PRSS12: variants seen among roughly 807,000 people sequenced by gnomAD.
PRSS12 encodes neurotrypsin.
A neutral mutation model predicts 104.4 loss-of-function variants in PRSS12; 85 were observed. That is an observed-to-expected ratio of 0.81 (90% confidence interval 0.68 to 0.98). The LOEUF (loss-of-function observed/expected upper bound fraction) is 0.98. Ranked by LOEUF, PRSS12 falls within the 50% of genes least tolerant of loss-of-function variation. The probability of loss-of-function intolerance (pLI) is 0.00; values close to 1 mark genes in which losing one functional copy is unlikely to be tolerated. For synonymous variants in PRSS12, 454 were observed against 425.2 expected, an observed-to-expected ratio of 1.07 and a Z score of -0.83; for missense variants, 1,141 against 1,139.2, an observed-to-expected ratio of 1.00 and a Z score of -0.02.
chr4:118,293,546 T>C (rs1038122720), intron 11 of PRSS12, among the ~76,000 whole-genome samples: 1 of 151,992 alleles, frequency 6.6e-6, no homozygotes, highest in African/African-American at 2.4e-5. Flanking sequence ...CAACAAAGAC[T>C]TAGCACACAG....
At chr4:118,337,060 T>C (rs148024018) in intron 2 of PRSS12, among the ~76,000 whole-genome samples, 195 of 152,328 alleles carry the variant, frequency 1.3e-3, no homozygotes, top group Admixed American at 3.0e-3. Context: ...TTTATTGCTC[T>C]AACAGCATCA....
intron 1 of PRSS12, among the ~76,000 whole-genome samples, chr4:118,348,945 C>T (rs1724424467): frequency 6.6e-6 from 1 of 152,168 alleles, no homozygotes; most frequent in African/African-American, 2.4e-5. Context: ...AGCTACCGCG[C>T]CCAGCCCTAG....
chr4:118,333,133 G>A (rs1409850744), intron 3 of PRSS12, among the ~76,000 whole-genome samples: 2 of 152,118 alleles, frequency 1.3e-5, no homozygotes, highest in African/African-American at 4.8e-5. Flanking sequence ...CAGGCCACTT[G>A]AACATTATGA....
intron 8 of PRSS12, among the ~76,000 whole-genome samples, chr4:118,307,930 TA>T (rs1178716980): frequency 2.0e-5 from 3 of 151,068 alleles, no homozygotes; most frequent in Admixed American, 2.0e-4. Flanking sequence ...ACACAGACTG[TA>T]AAAGAGGACA....
At chr4:118,311,050 CAATTAATT>C (rs564753007) in intron 7 of PRSS12, among the ~76,000 whole-genome samples, 4 of 151,558 alleles carry the variant, frequency 2.6e-5, no homozygotes, top group African/African-American at 9.7e-5. Context: ...GACTCTGTCT[CAATTAATT>C]AATTAATTAA....
In PRSS12 at chr4:118,315,999, A is replaced by C. The variant is rs764413621; in HGVS notation, c.1292+183T>G. Among the ~76,000 whole-genome samples, 12 of 152,230 alleles carry C rather than the reference A, an allele frequency of 7.9e-5. 1 individual carries two copies. The highest frequency in any genetic ancestry group is 1.8e-4 in the Non-Finnish European group (12 of 68,042). ...GGCAGGAAAGGTAAATGAAATAAAC[A>C]GCAAGAGGTGGTTATTCATCATCTT... On this transcript the variant is annotated intron_variant, in intron 6 of 12. Coordinates refer to ENST00000296498, the MANE Select transcript of PRSS12 (RefSeq NM_003619.4).
chr4:118,285,219 C>T (rs1276446158), intron 11 of PRSS12, among the ~76,000 whole-genome samples: 10 of 152,068 alleles, frequency 6.6e-5, no homozygotes, highest in Admixed American at 6.6e-4. Context: ...AGTTCAGAGG[C>T]TTTTTAATAT....
rs1723837456 is a variant in PRSS12, at chr4:118,328,508, T to C, written c.971+3208A>G. On this transcript the variant is annotated intron_variant, in intron 4 of 12. Coordinates refer to ENST00000296498, the MANE Select transcript of PRSS12 (RefSeq NM_003619.4). ...CTAGGTAACTGATTATCCTTGTCAA[T>C]ATGGCCTTTGTTTAAAAACTGTTTC... Among the ~76,000 whole-genome samples the C allele has an allele frequency of 2.0e-5, 3 of 152,204 alleles. No homozygotes were observed. The South Asian group carries it at 6.2e-4, about 32-fold the overall frequency.
In PRSS12 at chr4:118,299,774, TAAAATA is replaced by T. The variant is rs1404723096; in HGVS notation, c.1632-842_1632-837del. ...ATAAAATAAATAAAATTAAATAAAA[TAAAATA>T]AAATAAAATAAAATAAATAAAATAA... On this transcript the variant is annotated intron_variant, in intron 8 of 12. Transcript: ENST00000296498. 2.9e-3 allele frequency among the ~76,000 whole-genome samples: 169 copies of T among 58,834 alleles called. 6 individuals are homozygous for T. Among genetic ancestry groups the T allele is most frequent in the Middle Eastern group, 0.015 (2 of 134 alleles). 38.6% of individuals were successfully genotyped at this position (58,834 alleles called of 152,430 possible). A position where few individuals can be genotyped will look rare whatever the true frequency, so the allele number is the denominator to read the frequency against.
At chr4:118,299,058 G>A in intron 8 of PRSS12, 120 bp from the exon 9 acceptor site, 1 of 1,135,194 alleles carries the variant, frequency 8.8e-7, no homozygotes, top group South Asian at 1.4e-5. Flanking sequence ...ATCTGCATGT[G>A]CTAAAAACCA....
chr4:118,340,522 A>T (rs768969325), intron 1 of PRSS12, among the ~76,000 whole-genome samples: 25 of 152,218 alleles, frequency 1.6e-4, no homozygotes, highest in Non-Finnish European at 3.2e-4. Flanking sequence ...ACTCAGAATG[A>T]GTATTTATAT....
intron 1 of PRSS12, among the ~76,000 whole-genome samples, chr4:118,340,505 A>G (rs978037191): frequency 6.6e-6 from 1 of 152,210 alleles, no homozygotes; most frequent in Non-Finnish European, 1.5e-5. Context: ...GAAACCATCT[A>G]CCTAGGACTC....
At chr4:118,313,110 AAGATG>A in intron 7 of PRSS12, 86 bp downstream of exon 7, 1 of 1,496,996 alleles carries the variant, frequency 6.7e-7, no homozygotes, top group Non-Finnish European at 9.1e-7. Context: ...AAAAAAGCCA[AAGATG>A]AGAAACACTT....
At chr4:118,288,548 A>T (rs756034603) in intron 11 of PRSS12, among the ~76,000 whole-genome samples, 1 of 152,230 alleles carries the variant, frequency 6.6e-6, no homozygotes, top group Non-Finnish European at 1.5e-5. Context: ...AGATAAAGTC[A>T]GGTAAAGTTA....
intron 4 of PRSS12, among the ~76,000 whole-genome samples, chr4:118,322,542 T>C (rs1723661060): frequency 8.1e-6 from 1 of 123,328 alleles, no homozygotes; most frequent in Non-Finnish European, 1.7e-5. Flanking sequence ...ACAGCGAGAC[T>C]CCATCTTAAA....
At chr4:118,306,589 C>T (rs904533170) in intron 8 of PRSS12, among the ~76,000 whole-genome samples, 7 of 152,070 alleles carry the variant, frequency 4.6e-5, no homozygotes. Flanking sequence ...GAACTCAGGG[C>T]ATGAGCTCAT....
intron 1 of PRSS12, among the ~76,000 whole-genome samples, chr4:118,351,587 T>C (rs1446575098): frequency 6.6e-6 from 1 of 152,172 alleles, no homozygotes; most frequent in African/African-American, 2.4e-5. Context: ...ACCAAGATAG[T>C]AGTATTCCCA....
chr4:118,314,421 C>T (rs765478285), intron 6 of PRSS12, among the ~76,000 whole-genome samples: 27 of 152,060 alleles, frequency 1.8e-4, no homozygotes, highest in Non-Finnish European at 2.8e-4. Context: ...ATTTTGCTGA[C>T]TAATCAACCC....
intron 3 of PRSS12, 128 bp from the exon 4 acceptor site, chr4:118,331,994 T>C (rs1448655559): frequency 2.6e-6 from 3 of 1,154,808 alleles, no homozygotes; most frequent in Middle Eastern, 2.9e-4. Flanking sequence ...ACCAGTGATA[T>C]GGACATACGT....
Sources: allele counts gnomAD v4.1 joint callset (sites outside exome capture counted in the v4.1 genomes callset), GRCh38; gene constraint gnomAD v4.1.1; transcripts MANE v1.5; gene names NCBI Gene and HGNC (gene_info 2026-07-23, HGNC 2026-07-21).